Variants in AR observed in about 807,000 individuals in gnomAD.
AR encodes androgen receptor.
A neutral mutation model predicts 53.9 loss-of-function variants in AR; 8 were observed. That is an observed-to-expected ratio of 0.15 (90% CI 0.09 to 0.27). The LOEUF is 0.27. Ranked by LOEUF, AR falls within the 10% of genes least tolerant of loss-of-function variation. The pLI is 1.00. For synonymous variants in AR, 359 were observed against 316.4 expected, an observed-to-expected ratio of 1.13 and a Z score of -1.43; for missense variants, 639 against 742.5, an observed-to-expected ratio of 0.86 and a Z score of 1.62.
At chrX:67,651,421 A>C (rs945689950) in intron 2 of AR, among the ~76,000 whole-genome samples, 2 of 110,797 alleles carry the variant, frequency 1.8e-5, no homozygotes, top group Admixed American at 1.9e-4. Flanking sequence ...GTACAGAGTG[A>C]GAGGTTATTC....
At chrX:67,674,722 G>C (rs2075889107) in intron 2 of AR, among the ~76,000 whole-genome samples, 2 of 111,135 alleles carry the variant, frequency 1.8e-5, no homozygotes, top group African/African-American at 6.5e-5. Flanking sequence ...GCCCAGGGCA[G>C]GTCCGGAAAT....
chrX:67,612,376 G>T lies in AR; in HGVS notation c.1617-30880G>T, dbSNP rs148855426. ...GCCCTCTCATGCCTCCTCATTGCCT[G>T]TAGGATGAGATCCAAGTACCTTAGC... On this transcript the variant is annotated intron_variant, in intron 1 of 7. Transcript: ENST00000374690. Among the ~76,000 whole-genome samples the T allele has an allele frequency of 7.1e-5, 8 of 112,230 alleles. No individual in the cohort carries two copies. In the East Asian group the frequency reaches 2.0e-3, roughly 28 times the overall value.
intron 1 of AR, among the ~76,000 whole-genome samples, chrX:67,581,502 T>C (rs762420685): frequency 4.5e-5 from 5 of 111,885 alleles, no homozygotes; most frequent in African/African-American, 1.3e-4. Context: ...GCCCTGGTAC[T>C]GTCCTTAACC....
At chrX:67,675,319 G>A (rs1476233118) in intron 2 of AR, among the ~76,000 whole-genome samples, 1 of 110,340 alleles carries the variant, frequency 9.1e-6, no homozygotes, top group African/African-American at 3.3e-5. Flanking sequence ...TTACTAGGTC[G>A]CATGTTCCCC....
intron 1 of AR, among the ~76,000 whole-genome samples, chrX:67,563,501 G>T (rs111792333): frequency 0.047 from 5,236 of 111,266 alleles, 209 homozygotes; most frequent in African/African-American, 0.13. Flanking sequence ...ATTATTATTA[G>T]TAGTAGTAGT....
chrX:67,684,365 G>A (rs756172143), intron 2 of AR, among the ~76,000 whole-genome samples: 11 of 111,736 alleles, frequency 9.8e-5, no homozygotes, highest in Non-Finnish European at 1.3e-4. Flanking sequence ...AAAGAGCACT[G>A]GCCTGGAGAC....
chrX:67,664,616 T>C (rs1006296849), intron 2 of AR, among the ~76,000 whole-genome samples: 6 of 112,172 alleles, frequency 5.3e-5, no homozygotes, highest in African/African-American at 1.9e-4. Context: ...AGCTGCATAC[T>C]GGGAGAACCA....
At chrX:67,606,498 A>G (rs756726825) in intron 1 of AR, among the ~76,000 whole-genome samples, 1 of 111,879 alleles carries the variant, frequency 8.9e-6, no homozygotes, top group South Asian at 3.7e-4. Context: ...GAAATAGACA[A>G]CACATTATTA....
chrX:67,571,168 A>G (rs767118952), intron 1 of AR, among the ~76,000 whole-genome samples: 74 of 111,536 alleles, frequency 6.6e-4, no homozygotes, highest in African/African-American at 2.3e-3. Context: ...TCTTTCTTTG[A>G]TTATATTATT....
chrX:67,580,523 G>C (rs1342297363), intron 1 of AR, among the ~76,000 whole-genome samples: 2 of 111,303 alleles, frequency 1.8e-5, no homozygotes, highest in East Asian at 2.8e-4. Context: ...AAAGTTGTTC[G>C]CTAGTTACTC....
chrX:67,578,019 G>A (rs1325546259), intron 1 of AR, among the ~76,000 whole-genome samples: 3 of 111,533 alleles, frequency 2.7e-5, no homozygotes, highest in Non-Finnish European at 5.7e-5. Flanking sequence ...TCACTACTGA[G>A]AATGCAACCC....
At chrX:67,554,648 G>T (rs747522204) in intron 1 of AR, among the ~76,000 whole-genome samples, 1 of 111,563 alleles carries the variant, frequency 9.0e-6, no homozygotes, top group South Asian at 3.8e-4. Flanking sequence ...TTTTAAAAAA[G>T]AATCTGGCCG....
chrX:67,680,382 G>A (rs2075925928), intron 2 of AR, among the ~76,000 whole-genome samples: 1 of 111,881 alleles, frequency 8.9e-6, no homozygotes, highest in Non-Finnish European at 1.9e-5. Flanking sequence ...TAAATTTTGG[G>A]ATTATTTTGT....
chrX:67,564,261 A>G (rs1921459507), intron 1 of AR, among the ~76,000 whole-genome samples: 1 of 111,604 alleles, frequency 9.0e-6, no homozygotes, highest in East Asian at 2.8e-4. Context: ...AGAGGCAAGG[A>G]CTATACCCCA....
chrX:67,702,147 A>G (rs1049907868), intron 3 of AR, among the ~76,000 whole-genome samples: 2 of 111,766 alleles, frequency 1.8e-5, no homozygotes, highest in Non-Finnish European at 3.8e-5. Context: ...TAAAATAGGG[A>G]TAAGAAATAT....
chrX:67,718,388 A>C (rs1459156472), intron 5 of AR, among the ~76,000 whole-genome samples: 1 of 111,626 alleles, frequency 9.0e-6, no homozygotes, highest in Non-Finnish European at 1.9e-5. Flanking sequence ...CCAGTGGCTC[A>C]GATTTTGGAA....
chrX:67,640,538 G>A (rs1602218211), intron 1 of AR, among the ~76,000 whole-genome samples: 1 of 110,921 alleles, frequency 9.0e-6, no homozygotes, highest in African/African-American at 3.3e-5. Flanking sequence ...TCCTGCTTTA[G>A]GCTTGGGAGG....
intron 4 of AR, among the ~76,000 whole-genome samples, chrX:67,716,786 G>A (rs1212203143): frequency 8.9e-6 from 1 of 112,004 alleles, no homozygotes; most frequent in East Asian, 2.8e-4. Flanking sequence ...GGTCAAACCA[G>A]ATCGTAGCTG....
At chrX:67,690,872 G>A (rs2075992226) in intron 3 of AR, among the ~76,000 whole-genome samples, 1 of 111,743 alleles carries the variant, frequency 8.9e-6, no homozygotes, top group East Asian at 2.8e-4. Flanking sequence ...ACAGAGACAT[G>A]AACAAAATGC....
Sources: gnomAD v4.1 joint callset for allele counts (sites outside exome capture counted in the v4.1 genomes callset) on GRCh38, gnomAD v4.1.1 for gene constraint, MANE v1.5 for transcripts, NCBI Gene and HGNC (gene_info 2026-07-23, HGNC 2026-07-21) for gene names.